The following A2M variants were observed in gnomAD, a reference collection of about 807,000 sequenced individuals.
A2M encodes C3 and PZP-like alpha-2-macroglobulin domain-containing protein 5.
Under a neutral mutation model 183.9 loss-of-function variants are expected in A2M, and 128 were observed. That is an observed-to-expected ratio of 0.70 (90% CI 0.60 to 0.81). The LOEUF is 0.81. A2M is among the 30% of genes least tolerant of loss of function. The pLI is 0.00. For synonymous variants in A2M, 592 were observed against 670.8 expected (o/e 0.88, Z 1.81); for missense variants, 1,495 against 1,787.6 (o/e 0.84, Z 2.95).
intron 22 of A2M, among the ~76,000 whole-genome samples, chr12:9,087,093 AT>A (rs1383835052): frequency 1.3e-5 from 2 of 152,240 alleles, no homozygotes; most frequent in East Asian, 3.9e-4. Flanking sequence ...TACAGTGAAA[AT>A]TATAAAACAC....
chr12:9,112,853 G>A (rs1938844905), intron 2 of A2M, among the ~76,000 whole-genome samples: 1 of 152,168 alleles, frequency 6.6e-6, no homozygotes, highest in Admixed American at 6.5e-5. Flanking sequence ...AAAGGGCATG[G>A]TCGAAGCATG....
rs1938612804 is a variant in A2M at position 9,110,113 on chromosome 12, A to T, written c.505-78T>A. On this transcript the variant is annotated intron_variant, in intron 5 of 35. Transcript: ENST00000318602. ...AATAAAAGATATCTATGGAAACCCT[A>T]AGTTATCTACAAAAAGGTCAAATGG... 1.8e-5 allele frequency: 27 copies of T among 1,480,816 alleles called. No homozygotes were observed. In the East Asian group the frequency reaches 5.9e-4, roughly 32 times the overall value. The allele number at this position is 1,480,816 out of a possible 1,614,324, so 91.7% of individuals were successfully genotyped here. A position where few individuals can be genotyped will look rare whatever the true frequency, so the allele number is the denominator to read the frequency against.
chr12:9,068,672 C>T (rs1948467849), intron 34 of A2M, 68 bp downstream of exon 34: 6 of 1,256,770 alleles, frequency 4.8e-6, no homozygotes, highest in Non-Finnish European at 6.8e-6. Context: ...AACCCCAACA[C>T]ATCTCCTAAA....
chr12:9,080,345 T>C (rs1565583241), intron 22 of A2M, 168 bp from the exon 23 acceptor site: 1 of 398,006 alleles, frequency 2.5e-6, no homozygotes, highest in Non-Finnish European at 4.5e-6. Context: ...AATGGGCTAC[T>C]GGTTTCCTGT....
chr12:9,103,425 C>A (rs145589105), intron 11 of A2M, among the ~76,000 whole-genome samples: 132 of 152,268 alleles, frequency 8.7e-4, no homozygotes, highest in African/African-American at 3.1e-3. Flanking sequence ...TAAACACACA[C>A]ACACACACAA....
chr12:9,090,422 C>T lies in A2M; in HGVS notation c.2530G>A (p.Ala844Thr), dbSNP rs780784830. 62 of 1,614,004 alleles carry T rather than the reference C, an allele frequency of 3.8e-5. No individual in the cohort carries two copies. The East Asian group carries it at 1.2e-3, about 32-fold the overall frequency. Reference sequence around the variant, plus strand: ...CCGTTTGCACAGATGCAGTGAGGCGCTTGTTCCTTCTCCACTGGGACAGCT... The same window carrying T: ...CCGTTTGCACAGATGCAGTGAGGCGTTTGTTCCTTCTCCACTGGGACAGCT... ...FLAVPVEKEQAPHCICANGRQ... is the reference protein window; with the variant it reads ...FLAVPVEKEQTPHCICANGRQ... Residue 844 changes from alanine (A) to threonine (T), a missense_variant, in exon 20 of 36, where the codon GCG becomes ACG. Ala to Thr is a moderately conservative substitution (Grantham distance 58). Coordinates refer to ENST00000318602, the MANE Select transcript of A2M (RefSeq NM_000014.6).
intron 6 of A2M, 106 bp downstream of exon 6, chr12:9,109,761 A>G (rs1938582283): frequency 3.5e-6 from 4 of 1,144,712 alleles, no homozygotes; most frequent in East Asian, 4.8e-5. Context: ...TCCAAGCCCA[A>G]TGTCACCCAT....
intron 14 of A2M, 143 bp downstream of exon 14, chr12:9,099,238 G>T: frequency 1.3e-6 from 1 of 744,628 alleles, no homozygotes; most frequent in Non-Finnish European, 2.2e-6. Flanking sequence ...GCTTCTTAGT[G>T]TGACTCTGCC....
chr12:9,107,649 C>A lies in A2M; in HGVS notation c.759-5G>T. ...ACAGGCTTCCCATATGTGTATCTGT[C>A]ATGAGAACATTCCCAAAGGAATCAG... On this transcript the variant is annotated splice_polypyrimidine_tract_variant and splice_region_variant and intron_variant, in intron 7 of 35. Transcript: ENST00000318602. 2 of 1,613,486 alleles carry A rather than the reference C, an allele frequency of 1.2e-6. No individual in the cohort carries two copies. Among genetic ancestry groups the A allele is most frequent in the South Asian group, 1.1e-5 (1 of 91,044 alleles).
At position 9,067,802 on chromosome 12, in the gene A2M, C is replaced by T. The variant is rs1194674720; in HGVS notation, c.*21G>A. On this transcript the variant is annotated 3_prime_UTR_variant, in exon 36 of 36. Transcript: ENST00000318602. ...CTCTGAGAACAGGACTCCAGCAAAG[C>T]ACTTTTCAGCCTTGTGGTCTTCAAG... 1.2e-6 allele frequency: 2 copies of T among 1,612,226 alleles called. No individual in the cohort carries two copies. The highest frequency in any genetic ancestry group is 2.2e-5 in the East Asian group (1 of 44,860).
chr12:9,070,510 G>A lies in A2M; in HGVS notation c.4172C>T (p.Pro1391Leu). The change falls in exon 32 of 36, where the codon CCC becomes CTC. Residue 1391 changes from proline to leucine, a missense_variant. Pro to Leu is a moderately conservative substitution (Grantham distance 98, BLOSUM62 -3). Transcript: ENST00000318602. The stretch of plus-strand genomic sequence containing the variant: ...TACCATTTTCACTGTTGGCTTCAGG[G>A]GAATGAAGCCAGAGACCATCTTCAC... ...VDVKMVSGFI[P>L]LKPTVKMLER... 21 of 1,613,416 alleles carry A rather than the reference G, an allele frequency of 1.3e-5. No homozygotes were observed. Among genetic ancestry groups the A allele is most frequent in the Non-Finnish European group, 1.7e-5 (20 of 1,179,522 alleles).
intron 33 of A2M, 58 bp downstream of exon 33, chr12:9,069,687 G>A (rs924072327): frequency 3.6e-5 from 48 of 1,349,144 alleles, no homozygotes; most frequent in Non-Finnish European, 6.2e-6. Flanking sequence ...CTTCCCAGAT[G>A]TTCCCTTAGA....
At chr12:9,075,654 T>G (rs1948727648) in intron 28 of A2M, among the ~76,000 whole-genome samples, 3 of 152,212 alleles carry the variant, frequency 2.0e-5, no homozygotes, top group African/African-American at 7.2e-5. Context: ...CTCTTGTTTC[T>G]TGAATAAGAG....
At chr12:9,092,929 G>A (rs766599347) in intron 18 of A2M, among the ~76,000 whole-genome samples, 28 of 152,326 alleles carry the variant, frequency 1.8e-4, no homozygotes, top group African/African-American at 6.5e-4. Context: ...AGCCTTAAGT[G>A]GAAGAAGATC....
At position 9,101,429 on chromosome 12, in the gene A2M, A is replaced by C. The variant is rs959497325; in HGVS notation, c.1494+18T>G. 1.9e-6 allele frequency: 3 copies of C among 1,601,074 alleles called. No individual in the cohort carries two copies. Among genetic ancestry groups the C allele is most frequent in the Non-Finnish European group, 2.6e-6 (3 of 1,169,812 alleles). ...CTTTTGTCTACAGTGAAGTCAACGCAGTAACCTCCCTTCTCACCAGATAAT... is the reference window on the plus strand; with the variant it reads ...CTTTTGTCTACAGTGAAGTCAACGCCGTAACCTCCCTTCTCACCAGATAAT... On this transcript the variant is annotated intron_variant, in intron 12 of 35. Coordinates refer to ENST00000318602, the MANE Select transcript of A2M (RefSeq NM_000014.6).
At chr12:9,084,559 A>C (rs1315133656) in intron 22 of A2M, among the ~76,000 whole-genome samples, 1 of 151,856 alleles carries the variant, frequency 6.6e-6, no homozygotes, top group Non-Finnish European at 1.5e-5. Flanking sequence ...CAAAAATTTT[A>C]AAAGATTCAA....
intron 34 of A2M, 96 bp from the exon 35 acceptor site, chr12:9,068,320 T>C: frequency 7.8e-7 from 1 of 1,279,954 alleles, no homozygotes; most frequent in South Asian, 1.3e-5. Flanking sequence ...AAGGAGTTTG[T>C]TGTGGGAAGA....
At chr12:9,083,475 T>G (rs948753990) in intron 22 of A2M, among the ~76,000 whole-genome samples, 21 of 150,292 alleles carry the variant, frequency 1.4e-4, no homozygotes, top group Non-Finnish European at 2.7e-4. Context: ...AGAAACCAAA[T>G]AGAAATCCTG....
At chr12:9,096,689 G>A (rs758674030) in intron 15 of A2M, among the ~76,000 whole-genome samples, 1 of 152,318 alleles carries the variant, frequency 6.6e-6, no homozygotes, top group East Asian at 1.9e-4. Context: ...TGATTGACAA[G>A]AACAGATGAG....
Sources: allele counts gnomAD v4.1 joint callset (sites outside exome capture counted in the v4.1 genomes callset), GRCh38; gene constraint gnomAD v4.1.1; transcripts MANE v1.5; gene names NCBI Gene and HGNC (gene_info 2026-07-23, HGNC 2026-07-21).